The following GYS1 variants were observed in gnomAD, a reference collection of about 807,000 sequenced individuals.
The protein encoded by GYS1 is glycogen [starch] synthase, muscle.
A neutral mutation model predicts 89.1 loss-of-function variants in GYS1; 60 were observed. The ratio of observed to expected loss-of-function variants is 0.67; its 90% CI spans 0.55 to 0.84. The LOEUF is 0.84. Ranked by LOEUF, GYS1 falls within the 40% of genes least tolerant of loss-of-function variation. The pLI is 0.00. For missense variants in GYS1, 888 were observed against 1,003.1 expected (o/e 0.89, Z 1.55); for synonymous variants, 366 against 401.7 (o/e 0.91, Z 1.06).
At chr19:48,979,725 C>T (rs2038726955) in intron 8 of GYS1, among the ~76,000 whole-genome samples, 1 of 149,536 alleles carries the variant, frequency 6.7e-6, no homozygotes, top group Non-Finnish European at 1.5e-5. Context: ...TGGCTCACTG[C>T]AATCTCTGCC....
intron 10 of GYS1, 105 bp from the exon 11 acceptor site, chr19:48,974,838 C>A: frequency 1.3e-6 from 1 of 750,692 alleles, no homozygotes; most frequent in Non-Finnish European, 2.4e-6. Context: ...ACCACAAATG[C>A]ACCGGACGTG....
Position 48,982,289 on chromosome 19 carries a change from A to G in GYS1, c.1028T>C (p.Leu343Pro), listed in dbSNP as rs1279481275. Residue 343 changes from leucine to proline, a missense_variant, in exon 7 of 16, where the codon CTG (leucine) becomes CCG (proline). Coordinates refer to ENST00000323798, the MANE Select transcript of GYS1 (RefSeq NM_002103.5). ...EFSNKGADVFLEALARLNYLL... is the reference protein window; with the variant it reads ...EFSNKGADVFPEALARLNYLL... ...ATAGTTGAGCCGAGCCAATGCCTCC[A>G]GGAAGACGTCAGCACCCTTGTTGGA... 6.2e-7 allele frequency: 1 copy of G among 1,613,816 alleles called. No homozygotes were observed. The highest frequency in any genetic ancestry group is 8.5e-7 in the Non-Finnish European group (1 of 1,179,902).
Position 48,971,014 on chromosome 19 carries a change from G to T in GYS1, c.1559C>A (p.Thr520Lys). ...EPWGYTPAECTVMGIPSISTN... is the reference protein window; with the variant it reads ...EPWGYTPAECKVMGIPSISTN... ...GGAGATACTGGGGATTCCCATAACC[G>T]TGCACTCAGCTGCGGGAAGGCAGGA... Residue 520 changes from threonine to lysine, a missense_variant, in exon 13 of 16, where the codon ACG becomes AAG. Thr to Lys is a moderately conservative substitution (Grantham distance 78). Coordinates refer to ENST00000323798, the MANE Select transcript of GYS1 (RefSeq NM_002103.5). 1.9e-6 allele frequency: 3 copies of T among 1,612,482 alleles called. No homozygotes were observed. The highest frequency in any genetic ancestry group is 1.1e-5 in the South Asian group (1 of 91,046).
At chr19:48,988,186 T>C (rs1420783288) in intron 2 of GYS1, among the ~76,000 whole-genome samples, 2 of 152,216 alleles carry the variant, frequency 1.3e-5, no homozygotes, top group African/African-American at 2.4e-5. Context: ...ACATGTCCTG[T>C]GTCTATGCCC....
chr19:48,984,683 T>C lies in GYS1; in HGVS notation c.823+778A>G, dbSNP rs561439010. On this transcript the variant is annotated intron_variant, in intron 5 of 15. Coordinates refer to ENST00000323798, the MANE Select transcript of GYS1 (RefSeq NM_002103.5). Reference sequence around the variant, plus strand: ...TGTTGGGATTACAGGTGTGAGCCACTGCGCCCAGCCTATTCAACACTTTAT... The same window carrying C: ...TGTTGGGATTACAGGTGTGAGCCACCGCGCCCAGCCTATTCAACACTTTAT... Among the ~76,000 whole-genome samples the C allele has an allele frequency of 3.3e-5, 5 of 152,084 alleles. No homozygotes were observed. In the South Asian group the frequency reaches 1.0e-3, roughly 32 times the overall value.
At chr19:48,979,336 CTTTTTTTTTTTTTTTTTTTT>C (rs777178030) in intron 8 of GYS1, among the ~76,000 whole-genome samples, 5,039 of 92,884 alleles carry the variant, frequency 0.054, 363 homozygotes, top group East Asian at 0.18. Context: ...TTTTTCTTTT[CTTTTTTTTTTTTTTTTTTTT>C]TTTTTTTTTT....
At position 48,991,580 on chromosome 19, in the gene GYS1, C is replaced by T; in HGVS notation, c.119-97G>A. 7.5e-7 allele frequency: 1 copy of T among 1,329,812 alleles called. No individual in the cohort carries two copies. 82.4% of individuals were successfully genotyped at this position (1,329,812 alleles called of 1,614,324 possible). On this transcript the variant is annotated intron_variant, in intron 1 of 15. Coordinates refer to ENST00000323798, the MANE Select transcript of GYS1 (RefSeq NM_002103.5). This position sits in a 1 kb window ranked among gnomAD's most constrained non-coding sequence, Gnocchi z 4.7. ...CGGGGATGTAGGGGGCACTCAGGCC[C>T]CAGACCTCTAGCTCAGGGGGAAGAG...
chr19:48,987,913 G>C (rs944911462), intron 2 of GYS1, among the ~76,000 whole-genome samples: 2 of 151,870 alleles, frequency 1.3e-5, no homozygotes, highest in African/African-American at 2.4e-5. Flanking sequence ...CCATTCTCCT[G>C]CCTCAGCCTC....
At chr19:48,970,807 C>G in intron 13 of GYS1, 98 bp from the exon 14 acceptor site, 4 of 1,421,836 alleles carry the variant, frequency 2.8e-6, no homozygotes, top group Non-Finnish European at 4.0e-6. Flanking sequence ...CCCAGCGGCC[C>G]GAGAGCCCCC....
intron 7 of GYS1, 129 bp from the exon 8 acceptor site, chr19:48,981,765 C>T (rs2038767655): frequency 9.0e-6 from 6 of 663,342 alleles, no homozygotes; most frequent in South Asian, 1.7e-5. Context: ...AGGACAGTCC[C>T]CACCTGGACT....
At position 48,969,763 on chromosome 19, in the gene GYS1, G is replaced by C; in HGVS notation, c.1890+12C>G. 6.2e-7 allele frequency: 1 copy of C among 1,612,672 alleles called. No homozygotes were observed. Among genetic ancestry groups the C allele is most frequent in the Non-Finnish European group, 8.5e-7 (1 of 1,178,858 alleles). On this transcript the variant is annotated intron_variant, in intron 15 of 15. Transcript: ENST00000323798. The stretch of plus-strand genomic sequence containing the variant: ...TAGCTCCTGGCTAAGCAGAAATCCA[G>C]GGTCCACTCACCGCATCCGCCTCGT...
intron 3 of GYS1, among the ~76,000 whole-genome samples, chr19:48,986,509 CTT>C (rs1194864356): frequency 7.6e-6 from 1 of 132,282 alleles, no homozygotes; most frequent in Admixed American, 7.6e-5. Flanking sequence ...TTTTCTTTTT[CTT>C]TTTTTTTTTG....
At chr19:48,990,002 G>GT (rs1555800132) in intron 2 of GYS1, among the ~76,000 whole-genome samples, 4 of 146,426 alleles carry the variant, frequency 2.7e-5, no homozygotes, top group East Asian at 2.0e-4. Flanking sequence ...TTTTGCTGGG[G>GT]GGGGGGGGGG....
intron 7 of GYS1, among the ~76,000 whole-genome samples, chr19:48,982,047 C>A (rs1361712088): frequency 6.6e-6 from 1 of 151,998 alleles, no homozygotes; most frequent in Non-Finnish European, 1.5e-5. Flanking sequence ...TGTGAGCCAC[C>A]ATGCCTGGCT....
Position 48,982,374 on chromosome 19 carries a change from G to A in GYS1, c.943C>T (p.His315Tyr). The A allele has an allele frequency of 6.2e-7, 1 of 1,613,826 alleles. No individual in the cohort carries two copies. Among genetic ancestry groups the A allele is most frequent in the Non-Finnish European group, 8.5e-7 (1 of 1,179,850 alleles). Reference sequence around the variant, plus strand: ...GTCTTGTCCAAGTTGAAGTCCAGATGCCTAAAGAACCCACAAGGCACGGTA... The same window carrying A: ...GTCTTGTCCAAGTTGAAGTCCAGATACCTAAAGAACCCACAAGGCACGGTA... ...QEFVRGHFYGHLDFNLDKTLY... is the reference protein window; with the variant it reads ...QEFVRGHFYGYLDFNLDKTLY... Residue 315 changes from histidine (H) to tyrosine (Y), a missense_variant and splice_region_variant, in exon 7 of 16, where the codon CAT becomes TAT. Physicochemically the swap from His to Tyr is moderately conservative, Grantham distance 83. Coordinates refer to ENST00000323798, the MANE Select transcript of GYS1 (RefSeq NM_002103.5).
At position 48,982,775 on chromosome 19, in the gene GYS1, G is replaced by T; in HGVS notation, c.886C>A (p.Leu296Ile). ...ATTCGAGCCTTGCTCTGAGCATGGA[G>T]GTTCTGGAACTCATGCATGGCAGAA... ...KFSAMHEFQN[L>I]HAQSKARIQE... Residue 296 changes from leucine (L) to isoleucine (I), a missense_variant, in exon 6 of 16, where the codon CTC becomes ATC. Leu to Ile is a conservative substitution (Grantham distance 5). Transcript: ENST00000323798. 1.2e-6 allele frequency: 2 copies of T among 1,614,028 alleles called. No homozygotes were observed. Among genetic ancestry groups the T allele is most frequent in the Non-Finnish European group, 1.7e-6 (2 of 1,179,884 alleles).
chr19:48,974,822 A>C (rs2038620632), intron 10 of GYS1, 89 bp from the exon 11 acceptor site: 4 of 887,182 alleles, frequency 4.5e-6, no homozygotes, highest in Non-Finnish European at 7.5e-6. Context: ...TGGGGGAGCC[A>C]AGGAGACCAC....
intron 12 of GYS1, among the ~76,000 whole-genome samples, chr19:48,973,912 C>T (rs2038603769): frequency 6.6e-6 from 1 of 152,144 alleles, no homozygotes; most frequent in African/African-American, 2.4e-5. Context: ...CTTGGCCACA[C>T]TCGGCTGTAT....
intron 12 of GYS1, among the ~76,000 whole-genome samples, chr19:48,973,909 A>C (rs2038603616): frequency 6.6e-6 from 1 of 152,150 alleles, no homozygotes; most frequent in South Asian, 2.1e-4. Context: ...AGACTTGGCC[A>C]CACTCGGCTG....
Sources: gnomAD v4.1 joint callset for allele counts (sites outside exome capture counted in the v4.1 genomes callset) on GRCh38, gnomAD v4.1.1 for gene constraint, Gnocchi (gnomAD v3.1) non-coding constraint, MANE v1.5 for transcripts, NCBI Gene and HGNC (gene_info 2026-07-23, HGNC 2026-07-21) for gene names.